The following ARHGAP6 variants were observed in gnomAD, a reference collection of about 807,000 sequenced individuals.
The protein encoded by ARHGAP6 is rho GTPase-activating protein 6.
A neutral mutation model predicts 55.7 loss-of-function variants in ARHGAP6; 16 were observed. The ratio of observed to expected loss-of-function variants is 0.29; its 90% CI spans 0.19 to 0.44. ARHGAP6 has a LOEUF of 0.44. Ranked by LOEUF, ARHGAP6 falls within the 20% of genes least tolerant of loss-of-function variation. The pLI is 1.00. For missense variants in ARHGAP6, 698 were observed against 808.9 expected, an observed-to-expected ratio of 0.86 and a Z score of 1.66; for synonymous variants, 382 against 360.9, an observed-to-expected ratio of 1.06 and a Z score of -0.66.
At chrX:11,253,903 CA>C (rs375631926) in intron 2 of ARHGAP6, among the ~76,000 whole-genome samples, 1,614 of 66,236 alleles carry the variant, frequency 0.024, 10 homozygotes, top group Non-Finnish European at 0.035. Context: ...GACTCCATCT[CA>C]AAAAAAAAAA....
chrX:11,325,020 G>A (rs1049725681), intron 1 of ARHGAP6, among the ~76,000 whole-genome samples: 2 of 110,808 alleles, frequency 1.8e-5, no homozygotes, highest in Non-Finnish European at 3.8e-5. Context: ...CACCGCGCCC[G>A]GCTAATTTTT....
chrX:11,329,239 T>C, intron 1 of ARHGAP6, among the ~76,000 whole-genome samples: 1 of 111,886 alleles, frequency 8.9e-6, no homozygotes, highest in East Asian at 2.8e-4. Context: ...AGATGATTCA[T>C]CAGCTCTCTG....
chrX:11,193,112 C>T (rs1184494468), intron 3 of ARHGAP6, among the ~76,000 whole-genome samples: 4 of 112,326 alleles, frequency 3.6e-5, no homozygotes, highest in African/African-American at 1.3e-4. Context: ...AGGAGTGTCA[C>T]AAGATCTGCT....
At chrX:11,243,671 C>T (rs981138237) in intron 2 of ARHGAP6, among the ~76,000 whole-genome samples, 5 of 112,301 alleles carry the variant, frequency 4.5e-5, no homozygotes, top group African/African-American at 1.6e-4. Context: ...TCATGTGCCA[C>T]ATAACAATGC....
intron 1 of ARHGAP6, among the ~76,000 whole-genome samples, chrX:11,440,795 G>A (rs1231189220): frequency 1.8e-5 from 2 of 112,070 alleles, no homozygotes; most frequent in Non-Finnish European, 3.8e-5. Flanking sequence ...CAGGAGATGA[G>A]AACAATCAGC....
intron 4 of ARHGAP6, among the ~76,000 whole-genome samples, chrX:11,187,479 TAC>T (rs1234457745): frequency 8.9e-6 from 1 of 112,075 alleles, no homozygotes; most frequent in East Asian, 2.8e-4. Context: ...TGTACGACAA[TAC>T]ACAGTCTGAG....
intron 1 of ARHGAP6, among the ~76,000 whole-genome samples, chrX:11,266,532 A>G (rs1486608357): frequency 9.0e-6 from 1 of 110,970 alleles, no homozygotes; most frequent in Non-Finnish European, 1.9e-5. Context: ...CATTTCCTGA[A>G]CAGAGGGTGT....
At chrX:11,166,762 C>G (rs2046022847) in intron 9 of ARHGAP6, among the ~76,000 whole-genome samples, 1 of 111,951 alleles carries the variant, frequency 8.9e-6, no homozygotes, top group Non-Finnish European at 1.9e-5. Flanking sequence ...TCTTGGCTAT[C>G]ATTCATTCAA....
chrX:11,301,342 C>T (rs1391191257), intron 1 of ARHGAP6, among the ~76,000 whole-genome samples: 1 of 112,344 alleles, frequency 8.9e-6, no homozygotes, highest in East Asian at 2.8e-4. Context: ...CACCTCATAA[C>T]TTTAAGATAA....
chrX:11,248,835 C>T (rs1476028581), intron 2 of ARHGAP6, among the ~76,000 whole-genome samples: 4 of 111,801 alleles, frequency 3.6e-5, no homozygotes, highest in Non-Finnish European at 5.6e-5. Flanking sequence ...TAAACTAGTA[C>T]AGCTGCTATA....
At chrX:11,573,839 C>G (rs1211820107) in intron 1 of ARHGAP6, among the ~76,000 whole-genome samples, 2 of 111,330 alleles carry the variant, frequency 1.8e-5, no homozygotes, top group East Asian at 2.8e-4. Flanking sequence ...TCTTCCATTT[C>G]TTCGTATCCT....
chrX:11,373,174 A>G (rs2049165425), intron 1 of ARHGAP6, among the ~76,000 whole-genome samples: 1 of 109,998 alleles, frequency 9.1e-6, no homozygotes, highest in South Asian at 3.9e-4. Context: ...CATCTGTGTC[A>G]GCCTTTTAAA....
chrX:11,453,261 G>GTA lies in ARHGAP6; in HGVS notation c.589-198556_589-198555dup, dbSNP rs1278643251. On this transcript the variant is annotated intron_variant, in intron 1 of 12. Transcript: ENST00000337414. ...AATATATATACATAATATATATATA[G>GTA]TATATATAGCATATATATACTATAT... Among the ~76,000 whole-genome samples the GTA allele has an allele frequency of 7.0e-3, 624 of 89,221 alleles. 3 individuals are homozygous for GTA. Among genetic ancestry groups the GTA allele is most frequent in the African/African-American group, 0.022 (553 of 24,877 alleles). The allele number at this position is 89,221 out of a possible 115,157, so 77.5% of individuals were successfully genotyped here. A position where few individuals can be genotyped will look rare whatever the true frequency, so the allele number is the denominator to read the frequency against.
intron 1 of ARHGAP6, among the ~76,000 whole-genome samples, chrX:11,602,710 G>A (rs974795049): frequency 2.7e-5 from 3 of 112,724 alleles, no homozygotes; most frequent in Non-Finnish European, 5.6e-5. Context: ...GGGTGGTAAT[G>A]TGGCACTACC....
intron 3 of ARHGAP6, among the ~76,000 whole-genome samples, chrX:11,196,668 T>A (rs2046545757): frequency 9.0e-6 from 1 of 111,392 alleles, no homozygotes; most frequent in Admixed American, 9.6e-5. Flanking sequence ...TATAGCTGAT[T>A]GGTCAAAATA....
intron 1 of ARHGAP6, among the ~76,000 whole-genome samples, chrX:11,361,419 A>C (rs1459580343): frequency 1.8e-5 from 2 of 111,679 alleles, no homozygotes; most frequent in East Asian, 5.6e-4. Flanking sequence ...GTCCCTATTT[A>C]ATAAATGGTG....
At chrX:11,605,270 G>A (rs1479141933) in intron 1 of ARHGAP6, among the ~76,000 whole-genome samples, 1 of 111,439 alleles carries the variant, frequency 9.0e-6, no homozygotes, top group Non-Finnish European at 1.9e-5. Context: ...TAAAAATGAC[G>A]AAGCCTGACT....
intron 1 of ARHGAP6, among the ~76,000 whole-genome samples, chrX:11,358,431 A>ATC (rs1421816647): frequency 1.8e-3 from 131 of 72,498 alleles, no homozygotes; most frequent in African/African-American, 6.3e-3. Flanking sequence ...TTTTAACTGT[A>ATC]TCTTTCTTTC....
chrX:11,174,586 CTT>C (rs1445922202), intron 8 of ARHGAP6, among the ~76,000 whole-genome samples: 5 of 89,637 alleles, frequency 5.6e-5, no homozygotes, highest in African/African-American at 1.7e-4. Flanking sequence ...TTCTTTCTTT[CTT>C]TCTTTTTCTT....
Sources: gnomAD v4.1 joint callset for allele counts (sites outside exome capture counted in the v4.1 genomes callset) on GRCh38, gnomAD v4.1.1 for gene constraint, MANE v1.5 for transcripts, NCBI Gene and HGNC (gene_info 2026-07-23, HGNC 2026-07-21) for gene names.